PRKG1: variants seen among roughly 807,000 people sequenced by gnomAD.
The protein encoded by PRKG1 is protein kinase cGMP-dependent 1, also known as cGMP-dependent protein kinase 1.
In PRKG1, 35 loss-of-function variants were observed where a neutral mutation model predicts 88.1. The observed-to-expected ratio is 0.40, with a 90% CI of 0.30 to 0.53. The LOEUF (loss-of-function observed/expected upper bound fraction) is 0.53, where lower values mean the gene tolerates loss of function less well. Ranked by LOEUF, PRKG1 falls within the 20% of genes least tolerant of loss-of-function variation. PRKG1 has a pLI of 0.59. For synonymous variants in PRKG1, 303 were observed against 292.5 expected (o/e 1.04, Z -0.37); for missense variants, 540 against 839.8 (o/e 0.64, Z 4.41).
intron 2 of PRKG1, among the ~76,000 whole-genome samples, chr10:51,379,466 T>C (rs1453448371): frequency 6.6e-6 from 1 of 152,226 alleles, no homozygotes; most frequent in African/African-American, 2.4e-5. Context: ...CTGTGGTCAT[T>C]ATCTTTAATA....
chr10:51,277,867 G>A (rs913650295), intron 2 of PRKG1, among the ~76,000 whole-genome samples: 2 of 152,170 alleles, frequency 1.3e-5, no homozygotes, highest in Non-Finnish European at 2.9e-5. Context: ...AGATGATGGG[G>A]TTTTCTAAAT....
At chr10:51,709,966 T>C (rs535060872) in intron 3 of PRKG1, among the ~76,000 whole-genome samples, 1 of 152,358 alleles carries the variant, frequency 6.6e-6, no homozygotes, top group Non-Finnish European at 1.5e-5. Context: ...ATACTCATTA[T>C]TCAACTAAAT....
intron 5 of PRKG1, among the ~76,000 whole-genome samples, chr10:52,024,890 T>C (rs1217046527): frequency 6.6e-6 from 1 of 152,214 alleles, no homozygotes; most frequent in Non-Finnish European, 1.5e-5. Context: ...TTCTAGATCC[T>C]TGAGGAATTG....
intron 1 of PRKG1, 118 bp downstream of exon 1, chr10:51,075,019 A>G: frequency 7.3e-7 from 1 of 1,371,126 alleles, no homozygotes; most frequent in Admixed American, 2.9e-5. Context: ...TCATCCTCAG[A>G]AATGTTTCAT....
chr10:51,332,638 G>A (rs1426281794), intron 2 of PRKG1, among the ~76,000 whole-genome samples: 1 of 152,176 alleles, frequency 6.6e-6, no homozygotes, highest in African/African-American at 2.4e-5. Context: ...TGACTGTAGG[G>A]AAACTCTTAT....
chr10:52,064,852 A>T (rs11000657), intron 7 of PRKG1, among the ~76,000 whole-genome samples: 47,892 of 152,046 alleles, frequency 0.31, 8,153 homozygotes, highest in Non-Finnish European at 0.39. Flanking sequence ...GCAGCTCCAG[A>T]TGGCCTGCCA....
intron 2 of PRKG1, among the ~76,000 whole-genome samples, chr10:51,165,178 C>A (rs1423314267): frequency 1.3e-5 from 2 of 152,130 alleles, no homozygotes; most frequent in East Asian, 3.9e-4. Flanking sequence ...AAGGGAAGCC[C>A]ATCAGACTAA....
At chr10:52,143,523 T>A (rs1837642986) in intron 8 of PRKG1, among the ~76,000 whole-genome samples, 1 of 152,178 alleles carries the variant, frequency 6.6e-6, no homozygotes, top group African/African-American at 2.4e-5. Context: ...TGGATGTCAG[T>A]GAAGTCTCTG....
intron 3 of PRKG1, among the ~76,000 whole-genome samples, chr10:51,733,863 A>G (rs1283079521): frequency 6.6e-6 from 1 of 152,160 alleles, no homozygotes; most frequent in Non-Finnish European, 1.5e-5. Context: ...TGTGTTCTCA[A>G]GTTTGAACTT....
rs560661284 is a variant in PRKG1, at chr10:51,476,688, C to A, written c.592+8852C>A. Among the ~76,000 whole-genome samples the A allele has an allele frequency of 6.6e-5, 10 of 152,040 alleles. No homozygotes were observed. In the South Asian group the frequency reaches 1.5e-3, roughly 22 times the overall value. On this transcript the variant is annotated intron_variant, in intron 3 of 17. Transcript: ENST00000373980. ...ATGAAGCTTATAAGAACAGACTTTT[C>A]TGGTTACAGAATAGGGGAACAGCCT...
chr10:51,698,701 T>C (rs764192762), intron 3 of PRKG1: 1 of 1,614,198 alleles, frequency 6.2e-7, no homozygotes, highest in Admixed American at 1.7e-5. Flanking sequence ...GCATTGCTCC[T>C]CCAGGAGTTA....
rs530090336 is a variant in PRKG1, at chr10:51,941,964, C to A, written c.762+34394C>A. ...TGATTTATAGTCCTTTGGGTATATA[C>A]CCAGTAAGGGGATGGCTGGGTCAAA... On this transcript the variant is annotated intron_variant, in intron 5 of 17. Transcript: ENST00000373980. 2.6e-5 allele frequency among the ~76,000 whole-genome samples: 4 copies of A among 151,990 alleles called. 1 individual carries two copies. Among genetic ancestry groups the A allele is most frequent in the African/African-American group, 9.7e-5 (4 of 41,274 alleles).
intron 4 of PRKG1, among the ~76,000 whole-genome samples, chr10:51,814,192 A>G (rs895536082): frequency 6.6e-6 from 1 of 152,138 alleles, no homozygotes; most frequent in African/African-American, 2.4e-5. Context: ...CTTTTAAGGA[A>G]TTGAACTGTT....
rs1306148968 is a variant in PRKG1 at position 51,655,592 on chromosome 10, G to GA, written c.593-148984dup. Among the ~76,000 whole-genome samples, 1,053 of 150,136 alleles carry GA rather than the reference G, an allele frequency of 7.0e-3. 14 individuals are homozygous for GA. The highest frequency in any genetic ancestry group is 0.024 in the African/African-American group (986 of 41,040). ...TTCTGTACTTGGATTGTTTTTTCAG[G>GA]AAAAAAAAATATATATACTTTTAAG... On this transcript the variant is annotated intron_variant, in intron 3 of 17. Coordinates refer to ENST00000373980, the MANE Select transcript of PRKG1 (RefSeq NM_006258.4).
chr10:51,454,246 C>G (rs924348066), intron 2 of PRKG1, among the ~76,000 whole-genome samples: 5 of 151,866 alleles, frequency 3.3e-5, no homozygotes, highest in African/African-American at 4.8e-5. Flanking sequence ...AAAAAACAAC[C>G]CTAAAATTTA....
At chr10:51,284,248 T>C (rs552924994) in intron 2 of PRKG1, among the ~76,000 whole-genome samples, 21 of 152,220 alleles carry the variant, frequency 1.4e-4, no homozygotes, top group Non-Finnish European at 2.9e-4. Flanking sequence ...AAAAAAGACA[T>C]ATTTGTGGCT....
intron 12 of PRKG1, among the ~76,000 whole-genome samples, chr10:52,277,003 A>G (rs995559985): frequency 1.3e-5 from 2 of 152,292 alleles, no homozygotes; most frequent in South Asian, 4.1e-4. Flanking sequence ...ATATATTTAT[A>G]TGTGAAAGAT....
At chr10:51,657,817 G>A (rs1476813594) in intron 3 of PRKG1, among the ~76,000 whole-genome samples, 1 of 152,128 alleles carries the variant, frequency 6.6e-6, no homozygotes, top group East Asian at 1.9e-4. Context: ...TTCCTGGTGA[G>A]ATTTAGCAGA....
intron 1 of PRKG1, among the ~76,000 whole-genome samples, chr10:51,029,147 C>A (rs1402575946): frequency 6.6e-6 from 1 of 152,098 alleles, no homozygotes; most frequent in African/African-American, 2.4e-5. Context: ...TCACTTTGGG[C>A]AAATTTGCTT....
Sources: gnomAD v4.1 joint callset for allele counts (sites outside exome capture counted in the v4.1 genomes callset) on GRCh38, gnomAD v4.1.1 for gene constraint, MANE v1.5 for transcripts, NCBI Gene and HGNC (gene_info 2026-07-23, HGNC 2026-07-21) for gene names.